PRDM16: variants seen among roughly 807,000 people sequenced by gnomAD.
PRDM16 encodes the protein PR/SET domain 16.
A neutral mutation model predicts 110.6 loss-of-function variants in PRDM16; 23 were observed. The observed-to-expected ratio is 0.21, with a 90% CI of 0.15 to 0.29. The LOEUF (loss-of-function observed/expected upper bound fraction) is 0.29, where lower values mean the gene tolerates loss of function less well. Ranked by LOEUF, PRDM16 falls within the 10% of genes least tolerant of loss-of-function variation. The pLI, the probability that PRDM16 is intolerant of heterozygous loss-of-function variation, is 1.00. For missense variants in PRDM16, 1,615 were observed against 1,794.3 expected, an observed-to-expected ratio of 0.90 and a Z score of 1.81; for synonymous variants, 799 against 781.8, an observed-to-expected ratio of 1.02 and a Z score of -0.37.
rs866095515 is a variant in PRDM16 at position 3,265,147 on chromosome 1, C to A, written c.438+21010C>A. ...CTGGTGCCACCTATTGAGGCCGAGGCGAGCGGGCTGTTAGGACTGGGACTG... is the reference window on the plus strand; with the variant it reads ...CTGGTGCCACCTATTGAGGCCGAGGAGAGCGGGCTGTTAGGACTGGGACTG... On this transcript the variant is annotated intron_variant, in intron 3 of 16. Coordinates refer to ENST00000270722, the MANE Select transcript of PRDM16 (RefSeq NM_022114.4). This position sits in a 1 kb window ranked among gnomAD's most constrained non-coding sequence, Gnocchi z 4.5. Among the ~76,000 whole-genome samples the A allele has an allele frequency of 6.6e-6, 1 of 152,058 alleles. No individual in the cohort carries two copies. Among genetic ancestry groups the A allele is most frequent in the South Asian group, 2.1e-4 (1 of 4,814 alleles).
chr1:3,125,622 C>A (rs1204705271), intron 1 of PRDM16, among the ~76,000 whole-genome samples: 1 of 152,266 alleles, frequency 6.6e-6, no homozygotes. Flanking sequence ...GGTCCCTGGA[C>A]CGGGCTCCGC....
intron 9 of PRDM16, among the ~76,000 whole-genome samples, chr1:3,413,674 C>G (rs1042880162): frequency 6.6e-6 from 1 of 152,212 alleles, no homozygotes; most frequent in East Asian, 1.9e-4. Flanking sequence ...TGTCTTGCAA[C>G]GGGGTGGCAG....
At chr1:3,348,184 C>T (rs1001625549) in intron 3 of PRDM16, among the ~76,000 whole-genome samples, 1 of 152,142 alleles carries the variant, frequency 6.6e-6, no homozygotes, top group Admixed American at 6.5e-5. Flanking sequence ...CAACCGTAGC[C>T]CTCTGGGCCC....
At chr1:3,163,987 C>G (rs1362566126) in intron 1 of PRDM16, among the ~76,000 whole-genome samples, 1 of 152,210 alleles carries the variant, frequency 6.6e-6, no homozygotes, top group East Asian at 1.9e-4. Flanking sequence ...CCAGGGGACG[C>G]AGCTGCCACC....
rs75283694 is a variant in PRDM16 at position 3,320,009 on chromosome 1, G to C, written c.439-65143G>C. ...TACACATGGTGGGTGACTCTGAAGAGAGCATTCCCTAGAAAACAGTGCCTG... is the reference window on the plus strand; with the variant it reads ...TACACATGGTGGGTGACTCTGAAGACAGCATTCCCTAGAAAACAGTGCCTG... On this transcript the variant is annotated intron_variant, in intron 3 of 16. Transcript: ENST00000270722. Among the ~76,000 whole-genome samples the C allele has an allele frequency of 6.8e-4, 104 of 152,290 alleles. No individual in the cohort carries two copies. The East Asian group carries it at 0.019, about 28-fold the overall frequency.
rs78605798 is a variant in PRDM16, at chr1:3,195,336, C to T, written c.387+8862C>T. The stretch of plus-strand genomic sequence containing the variant: ...ATCCTGCACTATCTTCGGCCCGGCT[C>T]GGAGGCACGGGTATATAAGGAATTT... On this transcript the variant is annotated intron_variant, in intron 2 of 16. Transcript: ENST00000270722. 4.1e-3 allele frequency among the ~76,000 whole-genome samples: 628 copies of T among 152,224 alleles called. 6 individuals carry two copies. The highest frequency in any genetic ancestry group is 0.014 in the African/African-American group (598 of 41,546).
Position 3,103,096 on chromosome 1 carries a change from C to T in PRDM16, c.37+33800C>T, listed in dbSNP as rs142251515. Among the ~76,000 whole-genome samples the T allele has an allele frequency of 2.8e-3, 427 of 152,318 alleles. 2 individuals are homozygous for T. The highest frequency in any genetic ancestry group is 5.1e-3 in the Non-Finnish European group (350 of 68,026). On this transcript the variant is annotated intron_variant, in intron 1 of 16. Coordinates refer to ENST00000270722, the MANE Select transcript of PRDM16 (RefSeq NM_022114.4). ...CTACTACTGCTGGACCTGGGGCCAC[C>T]GCAGCAGCAAAGTCAGGAGAGATGG...
chr1:3,141,650 CAT>C (rs1250312586), intron 1 of PRDM16, among the ~76,000 whole-genome samples: 2 of 152,230 alleles, frequency 1.3e-5, no homozygotes, highest in Non-Finnish European at 2.9e-5. Context: ...TGGCATTAAT[CAT>C]ATGTGGCCAC....
chr1:3,428,123 C>T (rs950587524), intron 14 of PRDM16, among the ~76,000 whole-genome samples: 3 of 152,188 alleles, frequency 2.0e-5, no homozygotes, highest in African/African-American at 7.2e-5. Context: ...GGCTGAACCA[C>T]CTGGAGGACA....
chr1:3,230,825 GCATTCGAA>G (rs1326912785), intron 2 of PRDM16, among the ~76,000 whole-genome samples: 1 of 152,214 alleles, frequency 6.6e-6, no homozygotes, highest in African/African-American at 2.4e-5. Flanking sequence ...GCACCATGAG[GCATTCGAA>G]GTGACAACCT....
At chr1:3,341,677 G>A (rs957307184) in intron 3 of PRDM16, among the ~76,000 whole-genome samples, 3 of 152,204 alleles carry the variant, frequency 2.0e-5, no homozygotes, top group African/African-American at 7.2e-5. Context: ...AACATACGTC[G>A]GGTTTTGAGT....
At position 3,370,302 on chromosome 1, in the gene PRDM16, G is replaced by A. The variant is rs1453927570; in HGVS notation, c.439-14850G>A. 6.6e-6 allele frequency among the ~76,000 whole-genome samples: 1 copy of A among 152,148 alleles called. No individual in the cohort carries two copies. Among genetic ancestry groups the A allele is most frequent in the Non-Finnish European group, 1.5e-5 (1 of 68,028 alleles). ...TGATTTCCAGAGAGGCAAGTAACCAGGAAAAGGCTTTCCACATCCCTCAGC... is the reference window on the plus strand; with the variant it reads ...TGATTTCCAGAGAGGCAAGTAACCAAGAAAAGGCTTTCCACATCCCTCAGC... On this transcript the variant is annotated intron_variant, in intron 3 of 16. Transcript: ENST00000270722. This position sits in a 1 kb window ranked among gnomAD's most constrained non-coding sequence, Gnocchi z 4.8.
At position 3,172,913 on chromosome 1, in the gene PRDM16, C is replaced by T. The variant is rs982673357; in HGVS notation, c.38-13212C>T. ...ATGTGCTTAATGCCACTGAGCTGTG[C>T]GCTGAACAATGACTGAAATGATACA... On this transcript the variant is annotated intron_variant, in intron 1 of 16. Transcript: ENST00000270722. 6.6e-5 allele frequency among the ~76,000 whole-genome samples: 10 copies of T among 152,282 alleles called. No individual in the cohort carries two copies. In the South Asian group the frequency reaches 1.0e-3, roughly 16 times the overall value.
rs528103375 is a variant in PRDM16 at position 3,170,906 on chromosome 1, G to T, written c.38-15219G>T. ...AGCCACGGTGGAGGCAGGCCACCGGGGAAACGTGTGTTTCAGCTCCCAGAG... is the reference window on the plus strand; with the variant it reads ...AGCCACGGTGGAGGCAGGCCACCGGTGAAACGTGTGTTTCAGCTCCCAGAG... On this transcript the variant is annotated intron_variant, in intron 1 of 16. Transcript: ENST00000270722. Among the ~76,000 whole-genome samples, 5 of 152,364 alleles carry T rather than the reference G, an allele frequency of 3.3e-5. No homozygotes were observed. The South Asian group carries it at 1.0e-3, about 32-fold the overall frequency.
intron 1 of PRDM16, 121 bp from the exon 2 acceptor site, chr1:3,186,004 G>T (rs1644262516): frequency 1.3e-6 from 1 of 799,878 alleles, no homozygotes. Context: ...TGGCAGCCGG[G>T]CCTTCTGGGC....
At chr1:3,409,076 CGTGA>C (rs1027618680) in intron 8 of PRDM16, among the ~76,000 whole-genome samples, 10 of 139,686 alleles carry the variant, frequency 7.2e-5, no homozygotes, top group South Asian at 4.8e-4. Flanking sequence ...CACGTGACAG[CGTGA>C]GTGTGGGCGC....
At chr1:3,312,453 G>A (rs1641484368) in intron 3 of PRDM16, among the ~76,000 whole-genome samples, 2 of 152,206 alleles carry the variant, frequency 1.3e-5, no homozygotes, top group African/African-American at 4.8e-5. Context: ...CTGGAGGCTG[G>A]CCGCCCACCC....
chr1:3,181,926 GGTCTTACACATGCTTACACACACA>G (rs1644213624), intron 1 of PRDM16, among the ~76,000 whole-genome samples: 1 of 148,038 alleles, frequency 6.8e-6, no homozygotes, highest in Non-Finnish European at 1.5e-5. Flanking sequence ...TCTTACACAT[GGTCTTACACATGCTTACACACACA>G]GTCTTACACA....
chr1:3,108,347 T>TAGA (rs1642713625), intron 1 of PRDM16, among the ~76,000 whole-genome samples: 1 of 152,238 alleles, frequency 6.6e-6, no homozygotes, highest in Non-Finnish European at 1.5e-5. Flanking sequence ...GATCTAACTT[T>TAGA]TCTTTCATGC....
Sources: allele counts gnomAD v4.1 joint callset (sites outside exome capture counted in the v4.1 genomes callset), GRCh38; gene constraint gnomAD v4.1.1; non-coding constraint Gnocchi (gnomAD v3.1); transcripts MANE v1.5; gene names NCBI Gene and HGNC (gene_info 2026-07-23, HGNC 2026-07-21).